Variants in NKIRAS1 observed in about 807,000 individuals in gnomAD.
The protein encoded by NKIRAS1 is NFKB inhibitor interacting Ras like 1.
In NKIRAS1, 16 loss-of-function variants were observed where a neutral mutation model predicts 19.8. The ratio of observed to expected loss-of-function variants is 0.81; its 90% CI spans 0.55 to 1.23. NKIRAS1 has a LOEUF of 1.23. Among genes scored for constraint, NKIRAS1 ranks in the 50% most tolerant of loss-of-function variants. The pLI is 0.00. For missense variants in NKIRAS1, 184 were observed against 220.0 expected (o/e 0.84, Z 1.04); for synonymous variants, 88 against 79.0 (o/e 1.11, Z -0.61).
intron 2 of NKIRAS1, 81 bp from the exon 3 acceptor site, chr3:23,911,002 T>G: frequency 9.4e-7 from 1 of 1,064,144 alleles, no homozygotes; most frequent in South Asian, 1.3e-5. Context: ...TTCAATTTAA[T>G]ATGTAACACA....
chr3:23,920,787 C>T (rs552751022), upstream of NKIRAS1: 3 of 962,200 alleles, frequency 3.1e-6, no homozygotes, highest in Non-Finnish European at 2.5e-6. Flanking sequence ...TTAAGTCATA[C>T]ATTTTAATTG....
intron 1 of NKIRAS1, among the ~76,000 whole-genome samples, chr3:23,913,198 T>C (rs1703959000): frequency 1.3e-5 from 2 of 152,178 alleles, no homozygotes; most frequent in African/African-American, 4.8e-5. Context: ...ATGTATATAT[T>C]AATAAATTGG....
intron 1 of NKIRAS1, among the ~76,000 whole-genome samples, chr3:23,915,786 C>A (rs1418925382): frequency 6.6e-6 from 1 of 152,180 alleles, no homozygotes; most frequent in East Asian, 1.9e-4. Context: ...TACTCTTACT[C>A]CCAGACTCCT....
chr3:23,894,738 G>A (rs892597510), intron 4 of NKIRAS1, among the ~76,000 whole-genome samples: 2 of 152,128 alleles, frequency 1.3e-5, no homozygotes, highest in African/African-American at 2.4e-5. Context: ...GTTGGGGTAA[G>A]ATGTCCTCCT....
chr3:23,942,479 T>G (rs1187804463), intron 1 of NKIRAS1, among the ~76,000 whole-genome samples: 2 of 152,270 alleles, frequency 1.3e-5, no homozygotes, highest in African/African-American at 4.8e-5. Context: ...TTGCCCAGGC[T>G]GGAGTGCAAC....
chr3:23,927,165 T>G lies in NKIRAS1; in HGVS notation c.-139-15715A>C, dbSNP rs1705226418. On this transcript the variant is annotated intron_variant, in intron 1 of 4. Transcript: ENST00000421515. This position sits in a 1 kb window ranked among gnomAD's most constrained non-coding sequence, Gnocchi z 4.0. ...TCAACCTATTTTTATATAAGAAAAATAAACTGAAAATAAAGCCTTTTAGTA... is the reference window on the plus strand; with the variant it reads ...TCAACCTATTTTTATATAAGAAAAAGAAACTGAAAATAAAGCCTTTTAGTA... 6.6e-6 allele frequency among the ~76,000 whole-genome samples: 1 copy of G among 152,170 alleles called. No homozygotes were observed. Among genetic ancestry groups the G allele is most frequent in the African/African-American group, 2.4e-5 (1 of 41,448 alleles).
intron 3 of NKIRAS1, among the ~76,000 whole-genome samples, chr3:23,909,726 ATTAT>A (rs1392432053): frequency 9.9e-5 from 15 of 152,206 alleles, no homozygotes; most frequent in South Asian, 4.1e-4. Flanking sequence ...TTAATAAATA[ATTAT>A]TTGACTCAGC....
At chr3:23,898,526 TC>T (rs1559501994) in intron 4 of NKIRAS1, among the ~76,000 whole-genome samples, 2 of 151,200 alleles carry the variant, frequency 1.3e-5, no homozygotes, top group Non-Finnish European at 2.9e-5. Context: ...CACTGCAACC[TC>T]TGCCTCCCGG....
At chr3:23,936,998 C>T (rs1184442713) in intron 1 of NKIRAS1, among the ~76,000 whole-genome samples, 1 of 152,176 alleles carries the variant, frequency 6.6e-6, no homozygotes, top group Non-Finnish European at 1.5e-5. Context: ...TGGAGGAGAG[C>T]TCCTGATAAA....
chr3:23,896,485 C>T (rs548251977), intron 4 of NKIRAS1, among the ~76,000 whole-genome samples: 107 of 151,952 alleles, frequency 7.0e-4, no homozygotes, highest in African/African-American at 2.5e-3. Flanking sequence ...TGGTGGTGAA[C>T]GCCTGTAATC....
intron 4 of NKIRAS1, among the ~76,000 whole-genome samples, chr3:23,895,433 C>A (rs1701884476): frequency 6.6e-6 from 1 of 152,174 alleles, no homozygotes; most frequent in Non-Finnish European, 1.5e-5. Context: ...CAAGGACGTA[C>A]AACCTACTGG....
chr3:23,917,534 G>T, upstream of NKIRAS1: 1 of 241,402 alleles, frequency 4.1e-6, no homozygotes, highest in Non-Finnish European at 8.0e-6. Context: ...TGATGTCAGC[G>T]GCATCTCCTT....
intron 4 of NKIRAS1, among the ~76,000 whole-genome samples, chr3:23,898,623 T>C (rs1174526278): frequency 6.6e-6 from 1 of 152,072 alleles, no homozygotes; most frequent in Non-Finnish European, 1.5e-5. Context: ...TTTGTATTTT[T>C]TTAGTAGAGA....
rs1705215720 is a variant in NKIRAS1, at chr3:23,926,480, CT to C, written c.-139-15031del. Among the ~76,000 whole-genome samples the C allele has an allele frequency of 6.6e-6, 1 of 152,040 alleles. No individual in the cohort carries two copies. Among genetic ancestry groups the C allele is most frequent in the Non-Finnish European group, 1.5e-5 (1 of 68,014 alleles). On this transcript the variant is annotated intron_variant, in intron 1 of 4. Coordinates refer to the NKIRAS1 transcript ENST00000421515. This position sits in a 1 kb window ranked among gnomAD's most constrained non-coding sequence, Gnocchi z 4.3. ...TCTTTTTTCTCTTCTTCCTCTTTCT[CT>C]CCTTCTCTTTCCTCTTCCTCTTCTT...
chr3:23,915,531 T>TC (rs1212150211), intron 1 of NKIRAS1, among the ~76,000 whole-genome samples: 1 of 152,202 alleles, frequency 6.6e-6, no homozygotes, highest in East Asian at 1.9e-4. Flanking sequence ...TTCCATTTTT[T>TC]CTCTCCTTTT....
chr3:23,913,665 A>C (rs1704003081), intron 1 of NKIRAS1, among the ~76,000 whole-genome samples: 1 of 152,234 alleles, frequency 6.6e-6, no homozygotes, highest in African/African-American at 2.4e-5. Context: ...AAACTACTAA[A>C]AGTTTGGTTC....
intron 4 of NKIRAS1, among the ~76,000 whole-genome samples, chr3:23,900,176 C>CA (rs1702371860): frequency 6.6e-6 from 1 of 151,620 alleles, no homozygotes; most frequent in African/African-American, 2.4e-5. Flanking sequence ...AAAACAAAAA[C>CA]AAAAACCCAA....
chr3:23,917,600 G>C (rs1704704366), upstream of NKIRAS1: 8 of 435,126 alleles, frequency 1.8e-5, no homozygotes, highest in South Asian at 2.4e-4. Context: ...TTGGTGCTCA[G>C]TTCTGGTTCT....
chr3:23,899,103 T>C (rs1702254017), intron 4 of NKIRAS1, among the ~76,000 whole-genome samples: 1 of 152,170 alleles, frequency 6.6e-6, no homozygotes, highest in Admixed American at 6.5e-5. Context: ...CTGATTTATA[T>C]AACAATCTTG....
Sources: gnomAD v4.1 joint callset for allele counts (sites outside exome capture counted in the v4.1 genomes callset) on GRCh38, gnomAD v4.1.1 for gene constraint, Gnocchi (gnomAD v3.1) non-coding constraint, MANE v1.5 for transcripts, NCBI Gene and HGNC (gene_info 2026-07-23, HGNC 2026-07-21) for gene names.